The following SLC22A5 variants were observed in gnomAD, a reference collection of about 807,000 sequenced individuals.
SLC22A5 encodes solute carrier family 22 member 5.
A neutral mutation model predicts 56.7 loss-of-function variants in SLC22A5; 44 were observed. The observed-to-expected ratio is 0.78, with a 90% CI of 0.61 to 1.00. The LOEUF (loss-of-function observed/expected upper bound fraction) is 1.00, where lower values mean the gene tolerates loss of function less well. SLC22A5 is among the 50% of genes least tolerant of loss of function. SLC22A5 has a pLI of 0.00. For synonymous variants in SLC22A5, 278 were observed against 292.1 expected (o/e 0.95, Z 0.49); for missense variants, 675 against 723.0 (o/e 0.93, Z 0.76).
chr5:132,373,017 T>TACA (rs1751994264), intron 1 of SLC22A5, among the ~76,000 whole-genome samples: 1 of 152,246 alleles, frequency 6.6e-6, no homozygotes. Flanking sequence ...CAAGTTAAAG[T>TACA]ACATACATGT....
At chr5:132,387,000 C>T in intron 4 of SLC22A5, 25 bp from the exon 5 acceptor site, 1 of 1,613,948 alleles carries the variant, frequency 6.2e-7, no homozygotes, top group Non-Finnish European at 8.5e-7. Flanking sequence ...GGAGGCCTCA[C>T]TGAGATTGGA....
chr5:132,377,090 T>C (rs1338770367), intron 1 of SLC22A5: 1 of 152,488 alleles, frequency 6.6e-6, no homozygotes, highest in East Asian at 1.9e-4. Context: ...TCCCAGCCCA[T>C]CCAGGTTCAC....
chr5:132,392,687 A>G, intron 8 of SLC22A5, 72 bp downstream of exon 8: 2 of 1,351,612 alleles, frequency 1.5e-6, no homozygotes, highest in Admixed American at 3.4e-5. Context: ...TGTGAGCTGG[A>G]GGTTGCGTGT....
intron 6 of SLC22A5, chr5:132,390,219 G>C (rs1752654340): frequency 1.1e-5 from 3 of 284,188 alleles, no homozygotes; most frequent in South Asian, 1.0e-4. Context: ...GGTAGTGTGT[G>C]AGGGTCTCTC....
At chr5:132,370,763 A>G (rs1561561588) in intron 1 of SLC22A5, among the ~76,000 whole-genome samples, 2 of 152,046 alleles carry the variant, frequency 1.3e-5, no homozygotes, top group Admixed American at 6.5e-5. Context: ...TAGTCTCTTG[A>G]TTTCTTTTTA....
chr5:132,385,176 G>A (rs1580885491), intron 3 of SLC22A5, 152 bp from the exon 4 acceptor site: 1 of 728,326 alleles, frequency 1.4e-6, no homozygotes, highest in East Asian at 2.7e-5. Context: ...TCAGACAGGA[G>A]GGGTTCAGAA....
Position 132,387,097 on chromosome 5 carries a change from G to A in SLC22A5, c.897G>A (p.Lys299=). The A allele has an allele frequency of 5.0e-6, 8 of 1,614,206 alleles. No homozygotes were observed. Among genetic ancestry groups the A allele is most frequent in the Non-Finnish European group, 6.8e-6 (8 of 1,180,032 alleles). The change falls in exon 5 of 10, where the codon AAG becomes AAA. Residue 299 remains lysine (K), a synonymous_variant. Coordinates refer to ENST00000245407, the MANE Select transcript of SLC22A5 (RefSeq NM_003060.4). The part of the protein sequence containing the change: ...RFEEAEVIIR[K]AAKANGIVVP... ...AAGAGGCAGAGGTGATCATCCGCAA[G>A]GCTGCCAAAGCCAATGGGATTGTTG...
Position 132,394,276 on chromosome 5 carries a change from C to T in SLC22A5, c.*4C>T, listed in dbSNP as rs534520165. On this transcript the variant is annotated 3_prime_UTR_variant, in exon 10 of 10. Transcript: ENST00000245407. ...CCTTAAAAGCACAGCCTTCTAACAT[C>T]GCTTCCAGTAAGGGAGAAACTGAAG... The T allele has an allele frequency of 8.8e-6, 14 of 1,595,364 alleles. No homozygotes were observed. The highest frequency in any genetic ancestry group is 3.3e-5 in the Admixed American group (2 of 60,012).
At chr5:132,382,489 AT>A (rs1752383098) in intron 2 of SLC22A5, 1 of 150,884 alleles carries the variant, frequency 6.6e-6, no homozygotes, top group Non-Finnish European at 1.5e-5. Context: ...AAAAAGTGTT[AT>A]TATAGGATTA....
At chr5:132,388,801 T>TA in intron 5 of SLC22A5, 120 bp from the exon 6 acceptor site, 1 of 757,170 alleles carries the variant, frequency 1.3e-6, no homozygotes, top group Non-Finnish European at 2.4e-6. Context: ...CTTAGAAACG[T>TA]AACACTCCCC....
intron 1 of SLC22A5, among the ~76,000 whole-genome samples, chr5:132,370,734 G>A (rs2126766209): frequency 6.6e-6 from 1 of 152,252 alleles, no homozygotes; most frequent in Middle Eastern, 3.4e-3. Context: ...TTGGGCCAGG[G>A]GCTATCCCGT....
chr5:132,387,256 C>A, intron 5 of SLC22A5, 105 bp downstream of exon 5: 1 of 1,426,092 alleles, frequency 7.0e-7, no homozygotes, highest in Non-Finnish European at 9.9e-7. Flanking sequence ...CCAGCCCTCT[C>A]TCCGCCCAAG....
intron 2 of SLC22A5, chr5:132,383,166 CA>C (rs1381985739): frequency 1.3e-5 from 2 of 152,346 alleles, no homozygotes; most frequent in Non-Finnish European, 2.9e-5. Context: ...CCAATTACAG[CA>C]TCCTCTCTCT....
At chr5:132,385,307 G>A (rs766553002) in intron 3 of SLC22A5, 21 bp from the exon 4 acceptor site, 2 of 1,611,044 alleles carry the variant, frequency 1.2e-6, no homozygotes, top group Non-Finnish European at 8.5e-7. Flanking sequence ...CTGCTAACTC[G>A]ACCTCCCTTG....
At chr5:132,387,197 T>C (rs1752562888) in intron 5 of SLC22A5, 46 bp downstream of exon 5, 1 of 1,612,514 alleles carries the variant, frequency 6.2e-7, no homozygotes, top group Non-Finnish European at 8.5e-7. Flanking sequence ...CTGACCGTGA[T>C]TTGAGAGCAG....
chr5:132,378,562 T>C, intron 2 of SLC22A5, 81 bp downstream of exon 2: 2 of 1,030,092 alleles, frequency 1.9e-6, no homozygotes, highest in East Asian at 4.7e-5. Flanking sequence ...TTTCAGTTGG[T>C]AGTATTCTTT....
chr5:132,373,919 G>A (rs1468212182), intron 1 of SLC22A5, among the ~76,000 whole-genome samples: 1 of 151,428 alleles, frequency 6.6e-6, no homozygotes. Context: ...GGACAGACAG[G>A]TTCCTTGAGA....
chr5:132,369,826 G>A lies in SLC22A5; in HGVS notation c.-147G>A. 1 of 1,024,026 alleles carries A rather than the reference G, an allele frequency of 9.8e-7. No individual in the cohort carries two copies. The highest frequency in any genetic ancestry group is 1.4e-6 in the Non-Finnish European group (1 of 732,714). 63.4% of individuals were successfully genotyped at this position (1,024,026 alleles called of 1,614,324 possible). A position where few individuals can be genotyped will look rare whatever the true frequency, so the allele number is the denominator to read the frequency against. On this transcript the variant is annotated 5_prime_UTR_variant, in exon 1 of 10. Coordinates refer to ENST00000245407, the MANE Select transcript of SLC22A5 (RefSeq NM_003060.4). ...GCCGCGGCAGGACCAAGGCGGCGGT[G>A]TCAGCTCGCGAGCCTACCCTCCGCG...
In SLC22A5 at chr5:132,392,413, T is replaced by A. The variant is rs1752733205; in HGVS notation, c.1268-20T>A. 1 of 1,612,904 alleles carries A rather than the reference T, an allele frequency of 6.2e-7. No individual in the cohort carries two copies. Among genetic ancestry groups the A allele is most frequent in the East Asian group, 2.2e-5 (1 of 44,898 alleles). On this transcript the variant is annotated intron_variant, in intron 7 of 9. Coordinates refer to ENST00000245407, the MANE Select transcript of SLC22A5 (RefSeq NM_003060.4). ...CATGGGTTGGTACCTACTCCTACCC[T>A]CTTTCCTTTGCTTCTCCAGACTTGT...
Sources: gnomAD v4.1 joint callset for allele counts (sites outside exome capture counted in the v4.1 genomes callset) on GRCh38, gnomAD v4.1.1 for gene constraint, MANE v1.5 for transcripts, NCBI Gene and HGNC (gene_info 2026-07-23, HGNC 2026-07-21) for gene names.